Variants in DMC1 observed in about 807,000 individuals in gnomAD.
DMC1 encodes the protein meiotic recombination protein DMC1 homolog.
Under a neutral mutation model 50.1 loss-of-function variants are expected in DMC1, and 27 were observed. That is an observed-to-expected ratio of 0.54 (90% CI 0.40 to 0.74). The LOEUF is 0.74. DMC1 is among the 30% of genes least tolerant of loss of function. The probability of loss-of-function intolerance (pLI) is 0.00; values close to 1 mark genes in which losing one functional copy is unlikely to be tolerated. For synonymous variants in DMC1, 148 were observed against 136.1 expected (o/e 1.09, Z -0.61); for missense variants, 295 against 420.2 (o/e 0.70, Z 2.60).
intron 8 of DMC1, among the ~76,000 whole-genome samples, chr22:38,546,728 A>G (rs982671991): frequency 6.6e-6 from 1 of 152,230 alleles, no homozygotes; most frequent in Admixed American, 6.5e-5. Flanking sequence ...TAGAAAAAGC[A>G]GGCCTTGAAA....
At chr22:38,553,320 A>G (rs2090433317) in intron 6 of DMC1, among the ~76,000 whole-genome samples, 2 of 146,892 alleles carry the variant, frequency 1.4e-5, no homozygotes, top group Admixed American at 1.4e-4. Flanking sequence ...AACACTGTGT[A>G]ACCCCATCTC....
chr22:38,539,470 C>T, intron 8 of DMC1, 58 bp from the exon 9 acceptor site: 1 of 1,267,242 alleles, frequency 7.9e-7, no homozygotes, highest in South Asian at 1.2e-5. Context: ...TTTAGACAAC[C>T]ACTACAAAAC....
intron 5 of DMC1, 137 bp downstream of exon 5, chr22:38,562,149 GA>G (rs200539705): frequency 3.5e-5 from 21 of 607,812 alleles, no homozygotes; most frequent in Admixed American, 1.2e-4. Flanking sequence ...TTATCATTTA[GA>G]AAAAAAAACA....
the DMC1 span, among the ~76,000 whole-genome samples, chr22:38,513,599 C>T: frequency 5.9e-5 from 9 of 151,984 alleles, no homozygotes; most frequent in Non-Finnish European, 8.8e-5. Flanking sequence ...TTTTCTGAGA[C>T]GGAGTTTCAC....
At chr22:38,564,294 G>A (rs555084187) in intron 4 of DMC1, among the ~76,000 whole-genome samples, 217 of 152,250 alleles carry the variant, frequency 1.4e-3, no homozygotes, top group African/African-American at 5.1e-3. Flanking sequence ...AACATAGTGA[G>A]ATACCCTTCT....
At chr22:38,544,233 C>A (rs2145896699) in intron 8 of DMC1, among the ~76,000 whole-genome samples, 1 of 152,246 alleles carries the variant, frequency 6.6e-6, no homozygotes, top group Non-Finnish European at 1.5e-5. Flanking sequence ...TCTTGGGCCT[C>A]CAAAATCACT....
At chr22:38,552,857 A>AT (rs550736981) in intron 6 of DMC1, 150 bp from the exon 7 acceptor site, 3,233 of 554,596 alleles carry the variant, frequency 5.8e-3, no homozygotes, top group Middle Eastern at 9.8e-3. Flanking sequence ...GTTATTTTTT[A>AT]TTTTTTTTTT....
chr22:38,526,814 T>A (rs2090096770), intron 12 of DMC1, among the ~76,000 whole-genome samples: 1 of 152,168 alleles, frequency 6.6e-6, no homozygotes, highest in East Asian at 1.9e-4. Flanking sequence ...GAGGTCTACT[T>A]ACAGGGAGAG....
At chr22:38,521,560 C>G (rs756133315) in intron 13 of DMC1, 48 bp downstream of exon 13, 3 of 1,017,674 alleles carry the variant, frequency 2.9e-6, no homozygotes, top group Non-Finnish European at 4.6e-6. Context: ...CACACACACA[C>G]ACACACACAC....
chr22:38,538,277 T>G lies in DMC1; in HGVS notation c.775+18A>C, dbSNP rs1280161113. 1 of 1,602,686 alleles carries G rather than the reference T, an allele frequency of 6.2e-7. No homozygotes were observed. The highest frequency in any genetic ancestry group is 8.6e-7 in the Non-Finnish European group (1 of 1,169,562). ...TGACAAACATAGTCACAGATGCCAT[T>G]TTATTTTAAAGATATACCTTCTGAG... On this transcript the variant is annotated intron_variant, in intron 11 of 13. Coordinates refer to ENST00000216024, the MANE Select transcript of DMC1 (RefSeq NM_007068.4).
At chr22:38,514,929 T>G (rs1289094207), downstream of DMC1, among the ~76,000 whole-genome samples, 3 of 149,046 alleles carry the variant, frequency 2.0e-5, no homozygotes, top group South Asian at 4.2e-4. Context: ...GCCTATGGAA[T>G]AGCCATTTTT....
downstream of DMC1, among the ~76,000 whole-genome samples, chr22:38,515,476 CA>C (rs71197116): frequency 6.8e-3 from 695 of 102,700 alleles, 6 homozygotes; most frequent in African/African-American, 0.021. Context: ...AAATCCCTCT[CA>C]AAAAAAAAAA....
At chr22:38,555,516 C>T (rs1602760418) in intron 5 of DMC1, 107 bp from the exon 6 acceptor site, 19 of 747,436 alleles carry the variant, frequency 2.5e-5, no homozygotes, top group Non-Finnish European at 4.2e-5. Flanking sequence ...ATCTATCTAT[C>T]TATTCTATCA....
intron 5 of DMC1, among the ~76,000 whole-genome samples, chr22:38,559,057 T>A (rs2090497668): frequency 6.6e-6 from 1 of 152,228 alleles, no homozygotes; most frequent in East Asian, 1.9e-4. Flanking sequence ...TGAGACTGAG[T>A]CTCACTCTAT....
chr22:38,554,128 CTAAATAAA>C (rs963595187), intron 6 of DMC1, among the ~76,000 whole-genome samples: 3 of 151,644 alleles, frequency 2.0e-5, no homozygotes, highest in Non-Finnish European at 2.9e-5. Flanking sequence ...GACTCCATCT[CTAAATAAA>C]TAAATAAATA....
At chr22:38,561,239 C>G (rs2090524653) in intron 5 of DMC1, among the ~76,000 whole-genome samples, 1 of 150,490 alleles carries the variant, frequency 6.6e-6, no homozygotes, top group African/African-American at 2.5e-5. Context: ...CTCAAGAGAT[C>G]CCCTCCCCAC....
chr22:38,558,698 C>G (rs9622830), intron 5 of DMC1, among the ~76,000 whole-genome samples: 62,605 of 151,570 alleles, frequency 0.41, 13,440 homozygotes, highest in African/African-American at 0.53. Context: ...CTGGGCGACA[C>G]AGCAAGACTC....
At chr22:38,534,121 A>C (rs997042233) in intron 12 of DMC1, among the ~76,000 whole-genome samples, 10 of 152,222 alleles carry the variant, frequency 6.6e-5, no homozygotes. Flanking sequence ...AATTACACGC[A>C]GTGCATGTTC....
At chr22:38,563,440 G>T (rs75851958) in intron 4 of DMC1, among the ~76,000 whole-genome samples, 4,189 of 152,206 alleles carry the variant, frequency 0.028, 195 homozygotes, top group African/African-American at 0.096. Flanking sequence ...TTCTTTATTA[G>T]CCACACCAGG....
Sources: allele counts gnomAD v4.1 joint callset (sites outside exome capture counted in the v4.1 genomes callset), GRCh38; gene constraint gnomAD v4.1.1; transcripts MANE v1.5; gene names NCBI Gene and HGNC (gene_info 2026-07-23, HGNC 2026-07-21).